MAP7D2: variants seen among roughly 807,000 people sequenced by gnomAD.
MAP7D2 encodes MAP7 domain-containing protein 2.
In MAP7D2, 33 loss-of-function variants were observed where a neutral mutation model predicts 63.5. The ratio of observed to expected loss-of-function variants is 0.52; its 90% CI spans 0.39 to 0.70. The LOEUF (loss-of-function observed/expected upper bound fraction) is 0.70, where lower values mean the gene tolerates loss of function less well. MAP7D2 is among the 30% of genes least tolerant of loss of function. The pLI is 0.00. For synonymous variants in MAP7D2, 224 were observed against 223.7 expected (o/e 1.00, Z -0.01); for missense variants, 626 against 604.0 (o/e 1.04, Z -0.38).
At chrX:20,014,906 A>G (rs1188926906) in intron 12 of MAP7D2, among the ~76,000 whole-genome samples, 3 of 110,389 alleles carry the variant, frequency 2.7e-5, no homozygotes, top group African/African-American at 9.9e-5. Context: ...TAGTAGAGAC[A>G]GGGTTTCACT....
intron 1 of MAP7D2, among the ~76,000 whole-genome samples, chrX:20,071,326 T>C (rs1368403359): frequency 8.9e-6 from 1 of 112,683 alleles, no homozygotes; most frequent in Non-Finnish European, 1.9e-5. Flanking sequence ...GATTCTGATC[T>C]AGTCAGTCTT....
intron 1 of MAP7D2, among the ~76,000 whole-genome samples, chrX:20,106,929 C>G (rs1230079504): frequency 9.2e-6 from 1 of 108,161 alleles, no homozygotes; most frequent in Non-Finnish European, 1.9e-5. Context: ...CTGCAGTGAG[C>G]TGTGATGGCA....
At chrX:20,081,149 C>A (rs1009563151) in intron 1 of MAP7D2, among the ~76,000 whole-genome samples, 1 of 112,068 alleles carries the variant, frequency 8.9e-6, no homozygotes, top group African/African-American at 3.2e-5. Context: ...GTGGACAGAA[C>A]CCAGCAGGTA....
At chrX:20,086,212 C>T (rs2065906011) in intron 1 of MAP7D2, among the ~76,000 whole-genome samples, 1 of 111,872 alleles carries the variant, frequency 8.9e-6, no homozygotes, top group Non-Finnish European at 1.9e-5. Context: ...TTATCCTGTC[C>T]CTCACACTGC....
chrX:20,066,815 G>T (rs1305785064), intron 1 of MAP7D2, among the ~76,000 whole-genome samples: 3 of 111,129 alleles, frequency 2.7e-5, no homozygotes, highest in Non-Finnish European at 5.7e-5. Context: ...CTCTTATTCT[G>T]CTCTCTCTGT....
intron 9 of MAP7D2, among the ~76,000 whole-genome samples, 188 bp from the exon 10 acceptor site, chrX:20,025,271 G>T (rs1301182234): frequency 8.9e-6 from 1 of 112,308 alleles, no homozygotes; most frequent in Non-Finnish European, 1.9e-5. Context: ...TGGAACCCTG[G>T]ACGCATTTTA....
chrX:20,068,288 G>A (rs1017956982), intron 1 of MAP7D2, among the ~76,000 whole-genome samples: 6 of 111,848 alleles, frequency 5.4e-5, no homozygotes, highest in African/African-American at 9.8e-5. Flanking sequence ...TGTGGCTGGC[G>A]GTTACCACCC....
chrX:20,039,521 C>T (rs182021946), intron 8 of MAP7D2, among the ~76,000 whole-genome samples: 10 of 111,581 alleles, frequency 9.0e-5, no homozygotes, highest in Admixed American at 1.9e-4. Context: ...GGGTTCAAGT[C>T]GACAAGAGGT....
chrX:20,066,168 C>A (rs931556328), intron 1 of MAP7D2, among the ~76,000 whole-genome samples: 2 of 111,642 alleles, frequency 1.8e-5, no homozygotes, highest in African/African-American at 3.3e-5. Flanking sequence ...ATGATCCACC[C>A]GCCTCGGCCT....
intron 10 of MAP7D2, chrX:20,021,560 A>G (rs1027482818): frequency 9.0e-6 from 1 of 111,553 alleles, no homozygotes; most frequent in Non-Finnish European, 1.9e-5. Context: ...CTGGCAAGAG[A>G]GAGGAAAACT....
rs775748487 is a variant in MAP7D2 at position 20,038,232 on chromosome X, G to A, written c.1007+4270C>T. 4.5e-5 allele frequency among the ~76,000 whole-genome samples: 5 copies of A among 112,033 alleles called. No homozygotes were observed. The South Asian group carries it at 1.9e-3, about 42-fold the overall frequency. The stretch of plus-strand genomic sequence containing the variant: ...GGATATAGGTTTGTCTATCCTGCAC[G>A]CAATGCTTCTGCCAAGACTACTGTC... On this transcript the variant is annotated intron_variant, in intron 8 of 16. Transcript: ENST00000379643.
At position 20,050,828 on chromosome X, in the gene MAP7D2, A is replaced by G; in HGVS notation, c.714T>C (p.Asp238=). 2 of 1,183,408 alleles carry G rather than the reference A, an allele frequency of 1.7e-6. No individual in the cohort carries two copies. The highest frequency in any genetic ancestry group is 6.0e-5 in the East Asian group (2 of 33,173). ...TACCAGCTTAGCCTCTTTTACCTGA[A>G]TCATTGGCCTGCCCAGAGAGCATGA... ...ASVMLSGQAN[D]SVFHVCPRLA... is the part of the protein sequence containing the mutation. The change falls in exon 6 of 17, where the codon GAT becomes GAC. Residue 238 remains aspartate, a synonymous_variant. Transcript: ENST00000379643.
chrX:20,042,481 G>T, intron 8 of MAP7D2, 21 bp downstream of exon 8: 1 of 1,208,985 alleles, frequency 8.3e-7, no homozygotes, highest in Non-Finnish European at 1.1e-6. Context: ...AGACTGTCTG[G>T]CAAAGGGGAG....
At chrX:20,016,395 G>T in intron 10 of MAP7D2, 70 bp from the exon 11 acceptor site, 1 of 920,705 alleles carries the variant, frequency 1.1e-6, no homozygotes, top group Non-Finnish European at 1.5e-6. Context: ...ACTGTGTGCT[G>T]ACAGCCGAGA....
intron 1 of MAP7D2, among the ~76,000 whole-genome samples, chrX:20,098,557 T>TG (rs111268222): frequency 0.046 from 4,907 of 106,934 alleles, 254 homozygotes; most frequent in African/African-American, 0.15. Context: ...CTCTACACGG[T>TG]GGGGGGGGGA....
intron 1 of MAP7D2, among the ~76,000 whole-genome samples, chrX:20,095,067 T>C (rs1603402980): frequency 9.3e-6 from 1 of 107,883 alleles, no homozygotes; most frequent in Non-Finnish European, 1.9e-5. Flanking sequence ...AGTGAGACTC[T>C]GTCTAAAAAA....
intron 1 of MAP7D2, among the ~76,000 whole-genome samples, chrX:20,066,089 A>C (rs1188964101): frequency 9.1e-6 from 1 of 110,154 alleles, no homozygotes; most frequent in Non-Finnish European, 1.9e-5. Context: ...CGCCCGGCTA[A>C]TTTTTTGTAT....
intron 10 of MAP7D2, among the ~76,000 whole-genome samples, chrX:20,023,900 ACAAT>A (rs891235772): frequency 2.7e-5 from 3 of 112,082 alleles, no homozygotes; most frequent in Non-Finnish European, 3.8e-5. Context: ...AAACAGGAAA[ACAAT>A]CAAAGAAGTC....
intron 8 of MAP7D2, among the ~76,000 whole-genome samples, chrX:20,039,021 A>G (rs1365290986): frequency 1.8e-5 from 2 of 112,436 alleles, no homozygotes; most frequent in Admixed American, 1.9e-4. Context: ...GGGTCACTCC[A>G]CCAGGTAAAA....
Sources: allele counts gnomAD v4.1 joint callset (sites outside exome capture counted in the v4.1 genomes callset), GRCh38; gene constraint gnomAD v4.1.1; transcripts MANE v1.5; gene names NCBI Gene and HGNC (gene_info 2026-07-23, HGNC 2026-07-21).